MEIKIN: variants seen among roughly 807,000 people sequenced by gnomAD.
The protein encoded by MEIKIN is meiotic kinetochore factor.
At chr5:131,826,180 G>C (rs1749606081) in intron 11 of MEIKIN, among the ~76,000 whole-genome samples, 1 of 149,644 alleles carries the variant, frequency 6.7e-6, no homozygotes, top group African/African-American at 2.5e-5. Context: ...TCCCACCTTG[G>C]CCTCCCAAAG....
chr5:131,840,895 T>C (rs778082685), intron 11 of MEIKIN, among the ~76,000 whole-genome samples: 7 of 152,234 alleles, frequency 4.6e-5, no homozygotes, highest in Admixed American at 2.0e-4. Flanking sequence ...GGAGAGGTAG[T>C]GCTATCGTTT....
intron 9 of MEIKIN, among the ~76,000 whole-genome samples, chr5:131,873,237 C>T (rs1750540782): frequency 1.3e-5 from 2 of 152,162 alleles, no homozygotes; most frequent in South Asian, 4.1e-4. Context: ...CATCAGTGTG[C>T]TGTATTCAGG....
At chr5:131,825,742 C>G (rs73788775) in intron 11 of MEIKIN, among the ~76,000 whole-genome samples, 4,042 of 152,344 alleles carry the variant, frequency 0.027, 188 homozygotes, top group African/African-American at 0.092. Context: ...AAGCAGAATA[C>G]TCCAAGGACT....
At chr5:131,926,457 T>G (rs1235396617) in intron 5 of MEIKIN, among the ~76,000 whole-genome samples, 2 of 152,180 alleles carry the variant, frequency 1.3e-5, no homozygotes, top group Admixed American at 1.3e-4. Context: ...GTTGAGGATT[T>G]TTACATCTAT....
chr5:131,898,373 C>T (rs370615272), intron 8 of MEIKIN, among the ~76,000 whole-genome samples: 14 of 152,224 alleles, frequency 9.2e-5, no homozygotes, highest in African/African-American at 1.4e-4. Flanking sequence ...TTAGGCTACA[C>T]GGGGGTCAGG....
chr5:131,913,127 T>C (rs1751357078), intron 7 of MEIKIN, among the ~76,000 whole-genome samples: 1 of 152,230 alleles, frequency 6.6e-6, no homozygotes, highest in African/African-American at 2.4e-5. Context: ...TACCTATCAC[T>C]GGAGCTCTAC....
intron 11 of MEIKIN, among the ~76,000 whole-genome samples, chr5:131,843,664 C>G (rs1749958937): frequency 6.6e-6 from 1 of 152,192 alleles, no homozygotes; most frequent in African/African-American, 2.4e-5. Flanking sequence ...TCCTCAGCTC[C>G]ATCTGAGACC....
intron 11 of MEIKIN, among the ~76,000 whole-genome samples, chr5:131,823,904 A>T (rs2149604190): frequency 6.6e-6 from 1 of 152,328 alleles, no homozygotes; most frequent in African/African-American, 2.4e-5. Context: ...GACTTGTAGC[A>T]GTACCACCTT....
At chr5:131,861,571 G>C (rs900423929) in intron 9 of MEIKIN, among the ~76,000 whole-genome samples, 1 of 152,158 alleles carries the variant, frequency 6.6e-6, no homozygotes, top group African/African-American at 2.4e-5. Context: ...CATTCAGTCT[G>C]ATGTCAGCTG....
chr5:131,812,279 GA>G (rs1772972937), intron 12 of MEIKIN, among the ~76,000 whole-genome samples: 1 of 152,184 alleles, frequency 6.6e-6, no homozygotes, highest in African/African-American at 2.4e-5. Flanking sequence ...GCACTTGAAT[GA>G]ATGAATATAC....
At chr5:131,862,949 G>A (rs972507151) in intron 9 of MEIKIN, among the ~76,000 whole-genome samples, 18 of 152,212 alleles carry the variant, frequency 1.2e-4, no homozygotes, top group African/African-American at 4.1e-4. Context: ...TCCTCCCACT[G>A]CAGCCTCCCC....
At chr5:131,859,953 C>T (rs1159906675) in intron 9 of MEIKIN, among the ~76,000 whole-genome samples, 1 of 152,152 alleles carries the variant, frequency 6.6e-6, no homozygotes, top group Non-Finnish European at 1.5e-5. Flanking sequence ...TGGGTTAGCA[C>T]AGCCTTGTAA....
intron 8 of MEIKIN, among the ~76,000 whole-genome samples, chr5:131,901,337 C>T (rs969250203): frequency 2.6e-5 from 4 of 152,150 alleles, no homozygotes; most frequent in Non-Finnish European, 4.4e-5. Flanking sequence ...GAGTCCCATA[C>T]CTGCCAGCAC....
At chr5:131,933,929 T>C (rs1250812762) in intron 4 of MEIKIN, among the ~76,000 whole-genome samples, 1 of 152,142 alleles carries the variant, frequency 6.6e-6, no homozygotes, top group East Asian at 1.9e-4. Context: ...TTGTGATTCT[T>C]GGCTCAAAAA....
chr5:131,860,339 C>T (rs543136820), intron 9 of MEIKIN, among the ~76,000 whole-genome samples: 1 of 70,962 alleles, frequency 1.4e-5, no homozygotes, highest in African/African-American at 6.4e-5. Context: ...AATGTGATTG[C>T]CTTCTTGATT....
intron 11 of MEIKIN, among the ~76,000 whole-genome samples, chr5:131,842,957 CA>C (rs543870614): frequency 7.1e-4 from 108 of 152,382 alleles, no homozygotes; most frequent in Middle Eastern, 3.4e-3. Context: ...TGTTTCCATA[CA>C]GCCTCTGAAA....
intron 8 of MEIKIN, among the ~76,000 whole-genome samples, chr5:131,897,596 C>T (rs1269664900): frequency 6.6e-6 from 1 of 152,072 alleles, no homozygotes; most frequent in East Asian, 1.9e-4. Context: ...CTTTTCATTC[C>T]TTTTCCTCTA....
chr5:131,920,326 A>G (rs1191718233), intron 6 of MEIKIN, among the ~76,000 whole-genome samples: 1 of 152,240 alleles, frequency 6.6e-6, no homozygotes, highest in African/African-American at 2.4e-5. Flanking sequence ...CAATTAATAA[A>G]AGTAGCAGGA....
chr5:131,893,520 T>C (rs1243117763), intron 8 of MEIKIN, among the ~76,000 whole-genome samples: 2 of 152,204 alleles, frequency 1.3e-5, no homozygotes, highest in African/African-American at 2.4e-5. Context: ...AAGGGAATTC[T>C]CTCACCCCTT....
Sources: allele counts gnomAD v4.1 joint callset (sites outside exome capture counted in the v4.1 genomes callset), GRCh38; gene constraint gnomAD v4.1.1; transcripts MANE v1.5; gene names NCBI Gene and HGNC (gene_info 2026-07-23, HGNC 2026-07-21).